The following GDAP2 variants were observed in gnomAD, a reference collection of about 807,000 sequenced individuals.
GDAP2 encodes ganglioside induced differentiation associated protein 2, also known as ganglioside-induced differentiation-associated protein 2.
A neutral mutation model predicts 67.0 loss-of-function variants in GDAP2; 51 were observed. The ratio of observed to expected loss-of-function variants is 0.76; its 90% CI spans 0.61 to 0.96. The LOEUF is 0.96. Among genes scored for constraint, GDAP2 ranks in the 40% least tolerant of loss-of-function variants. The pLI, the probability that GDAP2 is intolerant of heterozygous loss-of-function variation, is 0.00. For synonymous variants in GDAP2, 203 were observed against 207.3 expected (o/e 0.98, Z 0.18); for missense variants, 547 against 588.3 (o/e 0.93, Z 0.73).
rs1648162301 is a variant in GDAP2, at chr1:117,868,824, ATAAGAGAAAATC to A, written c.*1733_*1744del. 1 of 152,204 alleles carries A rather than the reference ATAAGAGAAAATC, an allele frequency of 6.6e-6. No individual in the cohort carries two copies. Among genetic ancestry groups the A allele is most frequent in the Admixed American group, 6.5e-5 (1 of 15,278 alleles). 9.4% of individuals were successfully genotyped at this position (152,204 alleles called of 1,614,324 possible). A position where few individuals can be genotyped will look rare whatever the true frequency, so the allele number is the denominator to read the frequency against. ...GCCTGGATGTGATGACCTAGGGGAC[ATAAGAGAAAATC>A]TTAACATAGATGTATATATAAGGAT... On this transcript the variant is annotated 3_prime_UTR_variant, in exon 14 of 14. Transcript: ENST00000369443.
chr1:117,884,350 A>G (rs996972520), intron 10 of GDAP2, among the ~76,000 whole-genome samples: 2 of 152,198 alleles, frequency 1.3e-5, no homozygotes, highest in Non-Finnish European at 2.9e-5. Flanking sequence ...ACAGAGATAC[A>G]ATATAGGCAG....
At chr1:117,887,907 T>A (rs1423069283) in intron 8 of GDAP2, 133 bp from the exon 9 acceptor site, 1 of 600,336 alleles carries the variant, frequency 1.7e-6, no homozygotes, top group Middle Eastern at 4.5e-4. Flanking sequence ...GGGAAGGAGT[T>A]AAAGAAGCAT....
At position 117,896,802 on chromosome 1, in the gene GDAP2, T is replaced by C. The variant is rs776376871; in HGVS notation, c.953+31A>G. 3.3e-6 allele frequency: 5 copies of C among 1,525,010 alleles called. 1 individual carries two copies. In the South Asian group the frequency reaches 6.1e-5, roughly 19 times the overall value. The allele number at this position is 1,525,010 out of a possible 1,614,324, so 94.5% of individuals were successfully genotyped here. A position where few individuals can be genotyped will look rare whatever the true frequency, so the allele number is the denominator to read the frequency against. ...TCCTTTCTTGCTTCTGATGTCCTTATGTATCTAACAGTCCTGAAGGGTTGT... is the reference window on the plus strand; with the variant it reads ...TCCTTTCTTGCTTCTGATGTCCTTACGTATCTAACAGTCCTGAAGGGTTGT... On this transcript the variant is annotated intron_variant, in intron 8 of 13. Coordinates refer to ENST00000369443, the MANE Select transcript of GDAP2 (RefSeq NM_017686.4).
Position 117,870,226 on chromosome 1 carries a change from A to C in GDAP2, c.*343T>G. ...ACAAAGGAAGCGTGCAATGTTAGAG[A>C]GATGATGTGAACAGTCTTGGTGGTT... On this transcript the variant is annotated 3_prime_UTR_variant, in exon 14 of 14. Transcript: ENST00000369443. The C allele has an allele frequency of 3.3e-6, 1 of 302,132 alleles. No individual in the cohort carries two copies. Among genetic ancestry groups the C allele is most frequent in the Non-Finnish European group, 6.2e-6 (1 of 161,740 alleles). The allele number at this position is 302,132 out of a possible 1,614,324, so 18.7% of individuals were successfully genotyped here. A position where few individuals can be genotyped will look rare whatever the true frequency, so the allele number is the denominator to read the frequency against.
intron 10 of GDAP2, among the ~76,000 whole-genome samples, chr1:117,884,007 T>C (rs1291324132): frequency 6.6e-6 from 1 of 152,216 alleles, no homozygotes; most frequent in Admixed American, 6.5e-5. Context: ...AGAATTTCTA[T>C]ACTTTTAATC....
At chr1:117,907,109 T>A (rs1193037188) in intron 5 of GDAP2, among the ~76,000 whole-genome samples, 1 of 152,304 alleles carries the variant, frequency 6.6e-6, no homozygotes, top group East Asian at 1.9e-4. Context: ...AATTATTTTT[T>A]TCTTAATTTC....
rs1192634760 is a variant in GDAP2, at chr1:117,868,150, T to G, written c.*2419A>C. On this transcript the variant is annotated 3_prime_UTR_variant, in exon 14 of 14. Coordinates refer to ENST00000369443, the MANE Select transcript of GDAP2 (RefSeq NM_017686.4). ...GGCTAAACCTTTTCACAAAGGCAGA[T>G]TGGTATACCAAATGTTGCTTAATCA... 1 of 152,208 alleles carries G rather than the reference T, an allele frequency of 6.6e-6. No homozygotes were observed. The highest frequency in any genetic ancestry group is 1.5e-5 in the Non-Finnish European group (1 of 68,040). The allele number at this position is 152,208 out of a possible 1,614,324, so 9.4% of individuals were successfully genotyped here.
Position 117,899,128 on chromosome 1 carries a change from C to A in GDAP2, c.725G>T (p.Gly242Val). The change falls in exon 7 of 14, where the codon GGA (glycine) becomes GTA (valine). Residue 242 changes from glycine (G) to valine (V), a missense_variant. Gly to Val is a moderately radical substitution (Grantham distance 109, BLOSUM62 -3). Coordinates refer to ENST00000369443, the MANE Select transcript of GDAP2 (RefSeq NM_017686.4). ...TACCACAGGCTCCCCTTCTGCATTT[C>A]CAATATCTGCAGGTAGGTAGGGCAA... is the stretch of plus-strand genomic sequence containing the variant. ...RSLPYLPADI[G>V]NAEGEPVVPE... 1 of 1,610,372 alleles carries A rather than the reference C, an allele frequency of 6.2e-7. No individual in the cohort carries two copies. The highest frequency in any genetic ancestry group is 8.5e-7 in the Non-Finnish European group (1 of 1,176,622).
intron 13 of GDAP2, among the ~76,000 whole-genome samples, chr1:117,874,400 T>G (rs1193682306): frequency 4.6e-5 from 7 of 152,172 alleles, no homozygotes; most frequent in Non-Finnish European, 1.0e-4. Flanking sequence ...ACCCACCAGC[T>G]CCCCTTACCC....
intron 1 of GDAP2, among the ~76,000 whole-genome samples, chr1:117,925,808 G>C (rs1203869289): frequency 6.6e-6 from 1 of 152,132 alleles, no homozygotes; most frequent in Non-Finnish European, 1.5e-5. Context: ...GAGATAACTG[G>C]TGTCAAAACT....
chr1:117,900,789 G>A (rs1246988864), intron 6 of GDAP2, among the ~76,000 whole-genome samples: 2 of 149,796 alleles, frequency 1.3e-5, no homozygotes, highest in African/African-American at 2.5e-5. Context: ...GGCCGGGCAC[G>A]GTGGCTCACG....
intron 11 of GDAP2, chr1:117,883,040 G>C (rs1401525529): frequency 6.6e-6 from 1 of 152,414 alleles, no homozygotes; most frequent in Admixed American, 6.5e-5. Context: ...CTAGCTCCAA[G>C]TCAGTAACCT....
chr1:117,878,063 G>A lies in GDAP2; in HGVS notation c.1392C>T (p.Ala464=). 6.2e-7 allele frequency: 1 copy of A among 1,611,152 alleles called. No individual in the cohort carries two copies. Among genetic ancestry groups the A allele is most frequent in the Non-Finnish European group, 8.5e-7 (1 of 1,177,408 alleles). ...GAAAGTCAATCTGTTCTGGTGATATGGCAGAAAACAGCTGGTGGAGGCTGT... is the reference window on the plus strand; with the variant it reads ...GAAAGTCAATCTGTTCTGGTGATATAGCAGAAAACAGCTGGTGGAGGCTGT... ...HVDSLHQLFS[A]ISPEQIDFPP... is the part of the protein sequence containing the mutation. Residue 464 remains alanine, a synonymous_variant, in exon 13 of 14, where the codon GCC becomes GCT. Coordinates refer to ENST00000369443, the MANE Select transcript of GDAP2 (RefSeq NM_017686.4).
intron 1 of GDAP2, among the ~76,000 whole-genome samples, chr1:117,921,690 C>A (rs1406607953): frequency 6.6e-6 from 1 of 151,996 alleles, no homozygotes; most frequent in East Asian, 1.9e-4. Context: ...AGATCTTATT[C>A]TAAATATGAG....
intron 1 of GDAP2, among the ~76,000 whole-genome samples, chr1:117,922,203 T>A (rs1263848177): frequency 1.3e-5 from 2 of 152,170 alleles, no homozygotes; most frequent in East Asian, 3.8e-4. Context: ...GGATGGTATT[T>A]AAAGCTATGG....
chr1:117,881,301 T>C (rs956284177), intron 12 of GDAP2, among the ~76,000 whole-genome samples: 2 of 152,178 alleles, frequency 1.3e-5, no homozygotes, highest in African/African-American at 4.8e-5. Flanking sequence ...GTAGTGGGAA[T>C]ATAATTGTGA....
chr1:117,912,295 T>C (rs1649883252), intron 4 of GDAP2, among the ~76,000 whole-genome samples: 1 of 152,110 alleles, frequency 6.6e-6, no homozygotes, highest in African/African-American at 2.4e-5. Context: ...ACATAAAAAC[T>C]GAATAAAAAA....
At chr1:117,913,517 A>G (rs1649936279) in intron 3 of GDAP2, 1 of 152,064 alleles carries the variant, frequency 6.6e-6, no homozygotes, top group African/African-American at 2.4e-5. Context: ...GAGGGGATTT[A>G]GTTAAAGTGT....
At chr1:117,872,901 A>C (rs1219001465) in intron 13 of GDAP2, among the ~76,000 whole-genome samples, 1 of 152,122 alleles carries the variant, frequency 6.6e-6, no homozygotes, top group Non-Finnish European at 1.5e-5. Context: ...CACTGACCAA[A>C]TCCTTTATCT....
Sources: allele counts gnomAD v4.1 joint callset (sites outside exome capture counted in the v4.1 genomes callset), GRCh38; gene constraint gnomAD v4.1.1; transcripts MANE v1.5; gene names NCBI Gene and HGNC (gene_info 2026-07-23, HGNC 2026-07-21).